Variants in AKAP9 observed in about 807,000 individuals in gnomAD.
The protein encoded by AKAP9 is A-kinase anchor protein 9.
In AKAP9, 311 loss-of-function variants were observed where a neutral mutation model predicts 488.5. The observed-to-expected ratio is 0.64, with a 90% CI of 0.58 to 0.70. AKAP9 has a LOEUF of 0.70. Ranked by LOEUF, AKAP9 falls within the 30% of genes least tolerant of loss-of-function variation. AKAP9 has a pLI of 0.00. For missense variants in AKAP9, 4,215 were observed against 4,374.5 expected (o/e 0.96, Z 1.03); for synonymous variants, 1,462 against 1,483.5 (o/e 0.99, Z 0.33).
chr7:91,944,240 A>G (rs1791145046), intron 1 of AKAP9, among the ~76,000 whole-genome samples: 1 of 152,120 alleles, frequency 6.6e-6, no homozygotes, highest in Admixed American at 6.5e-5. Flanking sequence ...TACATATTTA[A>G]ATATGAAGAC....
rs1563101732 is a variant in AKAP9, at chr7:92,079,167, G to C, written c.7034G>C (p.Arg2345Thr). The change falls in exon 31 of 50, where the codon AGA becomes ACA. Residue 2345 changes from arginine (R) to threonine (T), a missense_variant. Coordinates refer to ENST00000356239, the MANE Select transcript of AKAP9 (RefSeq NM_005751.5). ...MSDQECVKRNREEEIEQLNEV... is the reference protein window; with the variant it reads ...MSDQECVKRNTEEEIEQLNEV... ...GATCAAGAATGTGTGAAGAGAAATA[G>C]AGAAGAAGAAATAGAGCAGCTCAAT... 3 of 1,613,842 alleles carry C rather than the reference G, an allele frequency of 1.9e-6. No homozygotes were observed. In the Admixed American group the frequency reaches 5.0e-5, roughly 27 times the overall value.
Position 92,001,398 on chromosome 7 carries a change from C to G in AKAP9, c.1481C>G (p.Ala494Gly). 6.2e-7 allele frequency: 1 copy of G among 1,613,546 alleles called. No homozygotes were observed. The highest frequency in any genetic ancestry group is 8.5e-7 in the Non-Finnish European group (1 of 1,179,680). The change falls in exon 8 of 50, where the codon GCA (alanine) becomes GGA (glycine). Residue 494 changes from alanine (A) to glycine (G), a missense_variant. Ala to Gly is a moderately conservative substitution (Grantham distance 60, BLOSUM62 0). This residue lies in a region of AKAP9 where 2,361 missense variants were observed against 2,430.0 expected (regional missense o/e 0.97). Coordinates refer to ENST00000356239, the MANE Select transcript of AKAP9 (RefSeq NM_005751.5). ...GATCAGATAAAGTTAATGAATGTGG[C>G]AATAAATGAACTGAATATAAAATTG... ...NEDQIKLMNV[A>G]INELNIKLQD...
At position 92,070,212 on chromosome 7, in the gene AKAP9, G is replaced by T. The variant is rs140872685; in HGVS notation, c.6507+6G>T. The T allele has an allele frequency of 3.1e-6, 5 of 1,613,634 alleles. No individual in the cohort carries two copies. Among genetic ancestry groups the T allele is most frequent in the Non-Finnish European group, 4.2e-6 (5 of 1,179,808 alleles). On this transcript the variant is annotated splice_donor_region_variant and intron_variant, in intron 27 of 49. Coordinates refer to ENST00000356239, the MANE Select transcript of AKAP9 (RefSeq NM_005751.5). ...GTGCAGATACTTTTCAAAAGGTGTG[G>T]CATTTTATTTGGGCTAACTTAATAA...
Position 92,001,221 on chromosome 7 carries a change from C to A in AKAP9, c.1304C>A (p.Ala435Glu). The change falls in exon 8 of 50, where the codon GCA (alanine) becomes GAA (glutamate). Residue 435 changes from alanine to glutamate, a missense_variant. Ala to Glu is a moderately radical substitution (Grantham distance 107). Coordinates refer to ENST00000356239, the MANE Select transcript of AKAP9 (RefSeq NM_005751.5). ...ETQRKLEQLR[A>E]ELDEMYGQQI... is the part of the protein sequence containing the mutation. ...CAAAGAAAGTTAGAACAACTCCGGG[C>A]AGAGCTGGATGAGATGTATGGGCAG... The A allele has an allele frequency of 1.9e-6, 3 of 1,613,818 alleles. No homozygotes were observed. Among genetic ancestry groups the A allele is most frequent in the Non-Finnish European group, 2.5e-6 (3 of 1,179,916 alleles).
Position 92,100,978 on chromosome 7 carries a change from A to G in AKAP9, c.11019A>G (p.Val3673=). 1 of 1,614,194 alleles carries G rather than the reference A, an allele frequency of 6.2e-7. No homozygotes were observed. Among genetic ancestry groups the G allele is most frequent in the Non-Finnish European group, 8.5e-7 (1 of 1,180,040 alleles). ...QKSLKRAEAE[V]YKLKAELRND... The stretch of plus-strand genomic sequence containing the variant: ...CTTTGAAAAGGGCAGAGGCTGAAGT[A>G]TACAAACTGAAAGCTGAACTAAGAA... The change falls in exon 45 of 50, where the codon GTA becomes GTG. Residue 3673 remains valine (V), a synonymous_variant. Transcript: ENST00000356239.
intron 30 of AKAP9, among the ~76,000 whole-genome samples, chr7:92,078,729 A>T (rs1454952889): frequency 6.6e-6 from 1 of 152,158 alleles, no homozygotes; most frequent in Non-Finnish European, 1.5e-5. Context: ...TATAAATTAT[A>T]ATATTTAATA....
At chr7:91,959,888 T>C (rs374317372) in intron 1 of AKAP9, among the ~76,000 whole-genome samples, 1 of 152,232 alleles carries the variant, frequency 6.6e-6, no homozygotes, top group Admixed American at 6.5e-5. Context: ...AAGAATACTT[T>C]AAAGCATCCT....
rs144893755 is a variant in AKAP9, at chr7:92,083,607, G to A, written c.8598G>A (p.Glu2866=). ...EHYVAVQLLK[E]ECGTLKAVIQ... Reference sequence around the variant, plus strand: ...ATGTTGCCGTTCAGTTACTGAAAGAGGAATGTGGTACCTTGAAGGCAGTGA... The same window carrying A: ...ATGTTGCCGTTCAGTTACTGAAAGAAGAATGTGGTACCTTGAAGGCAGTGA... The change falls in exon 33 of 50, where the codon GAG becomes GAA. Residue 2866 remains glutamate (E), a synonymous_variant. Coordinates refer to ENST00000356239, the MANE Select transcript of AKAP9 (RefSeq NM_005751.5). The A allele has an allele frequency of 3.1e-6, 5 of 1,604,954 alleles. No homozygotes were observed. In the African/African-American group the frequency reaches 6.7e-5, roughly 22 times the overall value.
At chr7:92,105,009 C>T (rs1433778511) in intron 46 of AKAP9, among the ~76,000 whole-genome samples, 1 of 152,118 alleles carries the variant, frequency 6.6e-6, no homozygotes, top group Non-Finnish European at 1.5e-5. Context: ...TATTGACATA[C>T]TTCACTCTGC....
intron 1 of AKAP9, among the ~76,000 whole-genome samples, chr7:91,970,311 T>G (rs1401438619): frequency 2.6e-5 from 4 of 152,236 alleles, no homozygotes; most frequent in Admixed American, 2.6e-4. Flanking sequence ...TTAATGTTTT[T>G]GGTAGGTTTG....
At chr7:92,074,210 C>G (rs1188730173) in intron 28 of AKAP9, among the ~76,000 whole-genome samples, 1 of 152,032 alleles carries the variant, frequency 6.6e-6, no homozygotes, top group African/African-American at 2.4e-5. Flanking sequence ...GCAAAGGATA[C>G]GAACAGACAC....
chr7:92,087,303 T>C (rs1814721100), intron 37 of AKAP9, among the ~76,000 whole-genome samples: 1 of 152,152 alleles, frequency 6.6e-6, no homozygotes. Context: ...TGTTAAAAGT[T>C]GGACATTTGA....
rs749770109 is a variant in AKAP9 at position 92,001,660 on chromosome 7, C to G, written c.1743C>G (p.Ser581=). The G allele has an allele frequency of 1.9e-6, 3 of 1,612,604 alleles. No individual in the cohort carries two copies. The highest frequency in any genetic ancestry group is 2.5e-6 in the Non-Finnish European group (3 of 1,179,306). The part of the protein sequence containing the change: ...LKAEIVSASE[S]RKELELKHEA... ...CTGAGATTGTTTCTGCATCTGAATC[C>G]AGAAAGGAACTAGAATTAAAACATG... is the stretch of plus-strand genomic sequence containing the variant. The change falls in exon 8 of 50, where the codon TCC becomes TCG. Residue 581 remains serine, a synonymous_variant. Coordinates refer to ENST00000356239, the MANE Select transcript of AKAP9 (RefSeq NM_005751.5).
intron 16 of AKAP9, 130 bp from the exon 17 acceptor site, chr7:92,038,289 A>T: frequency 1.6e-6 from 1 of 625,892 alleles, no homozygotes; most frequent in African/African-American, 1.9e-5. Context: ...TTATTATAGG[A>T]TTTCTTTTTG....
Position 92,079,200 on chromosome 7 carries a change from T to C in AKAP9, c.7067T>C (p.Ile2356Thr), listed in dbSNP as rs770514359. 1.5e-5 allele frequency: 24 copies of C among 1,613,982 alleles called. No individual in the cohort carries two copies. The highest frequency in any genetic ancestry group is 1.9e-5 in the Non-Finnish European group (23 of 1,179,984). Residue 2356 changes from isoleucine (I) to threonine (T), a missense_variant, in exon 31 of 50, where the codon ATT becomes ACT. Physicochemically the swap from Ile to Thr is moderately conservative, Grantham distance 89. Coordinates refer to ENST00000356239, the MANE Select transcript of AKAP9 (RefSeq NM_005751.5). ...GAAATAGAGCAGCTCAATGAAGTGA[T>C]TGAAAAACTTCAACAGGAATTGGCA... Reference protein sequence around the residue: ...EEEIEQLNEVIEKLQQELANI... With the variant: ...EEEIEQLNEVTEKLQQELANI...
intron 1 of AKAP9, among the ~76,000 whole-genome samples, chr7:91,960,735 TCTTA>T (rs1346412711): frequency 1.3e-5 from 2 of 152,216 alleles, no homozygotes; most frequent in Non-Finnish European, 2.9e-5. Context: ...TCACTACATG[TCTTA>T]CTTTAGCACA....
chr7:92,066,274 A>G (rs1173216414), intron 25 of AKAP9, among the ~76,000 whole-genome samples, 153 bp from the exon 26 acceptor site: 1 of 152,200 alleles, frequency 6.6e-6, no homozygotes, highest in Non-Finnish European at 1.5e-5. Flanking sequence ...ATAAAATGTT[A>G]TCTTTTAAAA....
At position 92,105,723 on chromosome 7, in the gene AKAP9, T is replaced by G. The variant is rs200050078; in HGVS notation, c.11376T>G (p.Val3792=). Residue 3792 remains valine, a synonymous_variant, in exon 47 of 50, where the codon GTT becomes GTG. Transcript: ENST00000356239. ...VRRWHRVTGS[V]SININRDGFG... is the part of the protein sequence containing the mutation. ...GGTGGCATCGAGTCACAGGTTCTGT[T>G]TCCATCAATATTAACAGAGATGGCT... is the stretch of plus-strand genomic sequence containing the variant. 1.5e-4 allele frequency: 245 copies of G among 1,614,088 alleles called. No individual in the cohort carries two copies. The highest frequency in any genetic ancestry group is 2.1e-4 in the Non-Finnish European group (242 of 1,180,032).
chr7:91,974,994 G>T (rs1456624796), intron 2 of AKAP9, among the ~76,000 whole-genome samples: 1 of 151,744 alleles, frequency 6.6e-6, no homozygotes, highest in East Asian at 1.9e-4. Flanking sequence ...GGGACCACAG[G>T]TGCATGCTAC....
Sources: allele counts gnomAD v4.1 joint callset (sites outside exome capture counted in the v4.1 genomes callset), GRCh38; gene constraint gnomAD v4.1.1; regional missense constraint gnomAD v4.1.1; transcripts MANE v1.5; gene names NCBI Gene and HGNC (gene_info 2026-07-23, HGNC 2026-07-21).